The following NEK11 variants were observed in gnomAD, a reference collection of about 807,000 sequenced individuals.
NEK11 encodes the protein serine/threonine-protein kinase Nek11.
Under a neutral mutation model 80.7 loss-of-function variants are expected in NEK11, and 72 were observed. The observed-to-expected ratio is 0.89, with a 90% CI of 0.74 to 1.08. NEK11 has a LOEUF of 1.08. Ranked by LOEUF, NEK11 falls within the 50% of genes least tolerant of loss-of-function variation. The pLI, the probability that NEK11 is intolerant of heterozygous loss-of-function variation, is 0.00. For missense variants in NEK11, 764 were observed against 763.6 expected (o/e 1.00, Z -0.01); for synonymous variants, 251 against 260.7 (o/e 0.96, Z 0.36).
chr3:131,050,997 C>T (rs2068299877), intron 3 of NEK11, among the ~76,000 whole-genome samples: 1 of 152,200 alleles, frequency 6.6e-6, no homozygotes, highest in South Asian at 2.1e-4. Context: ...TGCACCACAG[C>T]ATCCCATCCT....
At position 131,162,390 on chromosome 3, in the gene NEK11, A is replaced by T; in HGVS notation, c.963-18A>T. 1 of 1,610,174 alleles carries T rather than the reference A, an allele frequency of 6.2e-7. No homozygotes were observed. Among genetic ancestry groups the T allele is most frequent in the Non-Finnish European group, 8.5e-7 (1 of 1,178,904 alleles). ...TGTTTGGGATGGGCTATATGAGGGG[A>T]ATCTTTGTTATTTATAGGCAAAAAA... On this transcript the variant is annotated intron_variant, in intron 10 of 17. Transcript: ENST00000383366.
chr3:131,322,335 C>T (rs1344028006), intron 17 of NEK11, among the ~76,000 whole-genome samples: 2 of 152,082 alleles, frequency 1.3e-5, no homozygotes, highest in Non-Finnish European at 2.9e-5. Flanking sequence ...CTGTTGAGTA[C>T]TATGCTTGCT....
At chr3:131,173,974 G>A (rs1560791293) in intron 14 of NEK11, among the ~76,000 whole-genome samples, 1 of 152,096 alleles carries the variant, frequency 6.6e-6, no homozygotes, top group Non-Finnish European at 1.5e-5. Context: ...ATAGTTTTAG[G>A]TGGATCAGAT....
At chr3:131,090,658 TA>T (rs2076591486) in intron 4 of NEK11, among the ~76,000 whole-genome samples, 1 of 152,226 alleles carries the variant, frequency 6.6e-6, no homozygotes, top group African/African-American at 2.4e-5. Context: ...AAAATCAGAC[TA>T]AAAACTGTAT....
At chr3:131,167,021 A>C (rs2092299146) in intron 12 of NEK11, among the ~76,000 whole-genome samples, 2 of 152,206 alleles carry the variant, frequency 1.3e-5, no homozygotes, top group South Asian at 4.1e-4. Context: ...AAGAATTCCG[A>C]GTTTGTTAAT....
chr3:131,207,444 G>A (rs1012030050), intron 14 of NEK11, among the ~76,000 whole-genome samples: 15 of 152,198 alleles, frequency 9.9e-5, no homozygotes, highest in East Asian at 3.9e-4. Context: ...TTAGCTGGGC[G>A]CGGTGGCAGG....
intron 5 of NEK11, among the ~76,000 whole-genome samples, chr3:131,121,326 C>G (rs1367629143): frequency 6.6e-6 from 1 of 152,220 alleles, no homozygotes; most frequent in African/African-American, 2.4e-5. Context: ...GCAAATGTTG[C>G]TGCCTGATCC....
At chr3:131,176,928 T>C (rs2093053920) in intron 14 of NEK11, among the ~76,000 whole-genome samples, 1 of 152,198 alleles carries the variant, frequency 6.6e-6, no homozygotes, top group Admixed American at 6.5e-5. Flanking sequence ...TAAGTGGCCT[T>C]GCTTGGGTCA....
At chr3:131,029,240 T>C (rs1309757290) in intron 2 of NEK11, among the ~76,000 whole-genome samples, 1 of 152,220 alleles carries the variant, frequency 6.6e-6, no homozygotes, top group African/African-American at 2.4e-5. Flanking sequence ...ACAAAAAGGT[T>C]GATGCAGATG....
At chr3:131,133,764 T>C in intron 6 of NEK11, 66 bp from the exon 7 acceptor site, 1 of 1,330,836 alleles carries the variant, frequency 7.5e-7, no homozygotes, top group South Asian at 1.3e-5. Flanking sequence ...CTCATTCAGT[T>C]GTTAATTTCC....
intron 17 of NEK11, among the ~76,000 whole-genome samples, chr3:131,300,064 A>T (rs1268192109): frequency 1.3e-5 from 2 of 152,096 alleles, no homozygotes; most frequent in Non-Finnish European, 2.9e-5. Context: ...TTTTAATAAT[A>T]GCCATTGTGA....
chr3:131,066,200 A>G (rs913729878), intron 3 of NEK11, among the ~76,000 whole-genome samples: 2 of 152,230 alleles, frequency 1.3e-5, no homozygotes, highest in Non-Finnish European at 2.9e-5. Flanking sequence ...CCATAAGCCC[A>G]TGTGAGCTCC....
intron 14 of NEK11, among the ~76,000 whole-genome samples, chr3:131,181,745 C>CAAAAAAAA (rs58463955): frequency 1.3e-4 from 11 of 83,032 alleles, no homozygotes; most frequent in Admixed American, 1.6e-4. Flanking sequence ...GACTCCGCCT[C>CAAAAAAAA]AAAAAAAAAA....
At chr3:131,166,052 A>C (rs2092192063) in intron 12 of NEK11, among the ~76,000 whole-genome samples, 1 of 152,194 alleles carries the variant, frequency 6.6e-6, no homozygotes, top group African/African-American at 2.4e-5. Flanking sequence ...CGGCATTCCA[A>C]ATCTGTAAAT....
At chr3:131,295,016 G>GT in intron 17 of NEK11, among the ~76,000 whole-genome samples, 1 of 151,922 alleles carries the variant, frequency 6.6e-6, no homozygotes, top group East Asian at 1.9e-4. Flanking sequence ...CTTGTTTTTT[G>GT]TTTTTTGATC....
intron 14 of NEK11, among the ~76,000 whole-genome samples, chr3:131,197,865 T>G (rs1399935311): frequency 2.0e-5 from 3 of 152,114 alleles, no homozygotes; most frequent in African/African-American, 7.2e-5. Flanking sequence ...CTCTTTTGAC[T>G]TCAATATCTG....
chr3:131,126,959 C>CTTTTTTTT lies in NEK11; in HGVS notation c.456-5770_456-5763dup, dbSNP rs71133688. Among the ~76,000 whole-genome samples, 135 of 90,090 alleles carry CTTTTTTTT rather than the reference C, an allele frequency of 1.5e-3. 1 individual carries two copies. The highest frequency in any genetic ancestry group is 2.7e-3 in the African/African-American group (57 of 21,456). The allele number at this position is 90,090 out of a possible 152,430, so 59.1% of individuals were successfully genotyped here. On this transcript the variant is annotated intron_variant, in intron 5 of 17. Transcript: ENST00000383366. ...ATGTTTTCTTTTTCTTTCTTTCTTTCTTTTTTTTTTTTTTTTTTTTTTTGA... is the reference window on the plus strand; with the variant it reads ...ATGTTTTCTTTTTCTTTCTTTCTTTCTTTTTTTTTTTTTTTTTTTTTTTTTTTTTTTGA...
intron 10 of NEK11, among the ~76,000 whole-genome samples, chr3:131,156,739 A>G (rs564596654): frequency 6.6e-6 from 1 of 152,272 alleles, no homozygotes; most frequent in Non-Finnish European, 1.5e-5. Flanking sequence ...AAAAGTACCT[A>G]CTTCATAGAG....
intron 16 of NEK11, among the ~76,000 whole-genome samples, chr3:131,269,553 C>T: frequency 6.6e-6 from 1 of 152,198 alleles, no homozygotes; most frequent in East Asian, 1.9e-4. Flanking sequence ...CCTCTGTGGG[C>T]TGCACCCATT....
Sources: allele counts gnomAD v4.1 joint callset (sites outside exome capture counted in the v4.1 genomes callset), GRCh38; gene constraint gnomAD v4.1.1; transcripts MANE v1.5; gene names NCBI Gene and HGNC (gene_info 2026-07-23, HGNC 2026-07-21).